SRP19: variants seen among roughly 807,000 people sequenced by gnomAD.
SRP19 encodes signal recognition particle 19.
In SRP19, 11 loss-of-function variants were observed where a neutral mutation model predicts 22.4. The ratio of observed to expected loss-of-function variants is 0.49; its 90% confidence interval spans 0.31 to 0.81. The LOEUF (loss-of-function observed/expected upper bound fraction) is 0.81. SRP19 is among the 40% of genes least tolerant of loss of function. The pLI is 0.05. For synonymous variants in SRP19, 61 were observed against 57.6 expected (o/e 1.06, Z -0.27); for missense variants, 168 against 175.9 (o/e 0.96, Z 0.25).
At chr5:112,893,147 C>T (rs576078407), downstream of SRP19, 503 of 739,646 alleles carry the variant, frequency 6.8e-4, 4 homozygotes, top group South Asian at 5.0e-3. Context: ...TAGTGGCTCA[C>T]ACCTGTAATC....
chr5:112,881,096 T>G (rs1768061042), intron 4 of SRP19, among the ~76,000 whole-genome samples: 1 of 116,058 alleles, frequency 8.6e-6, no homozygotes, highest in South Asian at 2.9e-4. Flanking sequence ...GCTACTGCAC[T>G]CCAGCCTGGG....
chr5:112,864,123 T>G (rs940356487), intron 2 of SRP19, among the ~76,000 whole-genome samples: 3 of 152,224 alleles, frequency 2.0e-5, no homozygotes, highest in Non-Finnish European at 2.9e-5. Flanking sequence ...TCTAAAGTGT[T>G]TGTATGTGTA....
At chr5:112,865,649 A>C (rs1767576335) in intron 4 of SRP19, among the ~76,000 whole-genome samples, 1 of 151,206 alleles carries the variant, frequency 6.6e-6, no homozygotes, top group African/African-American at 2.4e-5. Context: ...GCTGGAGTAC[A>C]GTGGCGCGAT....
intron 4 of SRP19, among the ~76,000 whole-genome samples, chr5:112,865,843 C>T (rs1332151083): frequency 6.6e-6 from 1 of 152,180 alleles, no homozygotes; most frequent in African/African-American, 2.4e-5. Flanking sequence ...CCACCCACCT[C>T]GGCCTCCCAA....
At chr5:112,885,844 A>C (rs939614447) in intron 4 of SRP19, 19 of 198,470 alleles carry the variant, frequency 9.6e-5, no homozygotes, top group Non-Finnish European at 8.6e-5. Context: ...TCAGCCTTTT[A>C]GAGAATGATC....
At position 112,864,369 on chromosome 5, in the gene SRP19, A is replaced by T. The variant is rs6865102; in HGVS notation, c.118-88A>T. 1.2e-3 allele frequency: 1,397 copies of T among 1,141,626 alleles called. 14 individuals carry two copies. The African/African-American group carries it at 0.02, about 16-fold the overall frequency. The allele number at this position is 1,141,626 out of a possible 1,614,324, so 70.7% of individuals were successfully genotyped here. ...AACCTAGGGTTTTGGTACTTGTTTG[A>T]TTATAGTATTTGAAATTATTTACCC... is the stretch of plus-strand genomic sequence containing the variant. On this transcript the variant is annotated intron_variant, in intron 2 of 4. Coordinates refer to ENST00000505459, the MANE Select transcript of SRP19 (RefSeq NM_003135.3).
intron 4 of SRP19, chr5:112,885,087 G>A (rs76290842): frequency 0.02 from 3,199 of 157,266 alleles, 106 homozygotes; most frequent in African/African-American, 0.073. Context: ...CAGGCTGGCC[G>A]TCAGGGCCTC....
Position 112,878,862 on chromosome 5 carries a change from A to G in SRP19, c.302-12741A>G, listed in dbSNP as rs112236815. 1,602 of 1,613,878 alleles carry G rather than the reference A, an allele frequency of 9.9e-4. 16 individuals are homozygous for G. The African/African-American group carries it at 0.019, about 19-fold the overall frequency. ...TGTTTGTTTGTTAGGAGGGAAAGAA[A>G]AATATATCAAAGCTCTTTCTTTGGA... On this transcript the variant is annotated intron_variant, in intron 4 of 4. Transcript: ENST00000391338.
intron 4 of SRP19, chr5:112,878,488 ATAATTT>A: frequency 2.7e-6 from 1 of 376,528 alleles, no homozygotes; most frequent in Non-Finnish European, 4.7e-6. Context: ...TGTGGGGTAT[ATAATTT>A]TATTTTAAGT....
Position 112,868,432 on chromosome 5 carries a change from C to T in SRP19, c.*895C>T, listed in dbSNP as rs1481878128. 1 of 973,588 alleles carries T rather than the reference C, an allele frequency of 1.0e-6. No homozygotes were observed. Among genetic ancestry groups the T allele is most frequent in the Non-Finnish European group, 1.2e-6 (1 of 817,214 alleles). 60.3% of individuals were successfully genotyped at this position (973,588 alleles called of 1,614,324 possible). ...TGTTTGTTTTTGAGATGGAGTTTCA[C>T]TCTTGTTGCCTAGGCTGGAGTGCAA... On this transcript the variant is annotated 3_prime_UTR_variant, in exon 5 of 5. Coordinates refer to ENST00000505459, the MANE Select transcript of SRP19 (RefSeq NM_003135.3).
intron 4 of SRP19, among the ~76,000 whole-genome samples, chr5:112,875,866 G>T (rs534581520): frequency 6.6e-6 from 1 of 151,868 alleles, no homozygotes; most frequent in East Asian, 1.9e-4. Flanking sequence ...CTAACATGGT[G>T]AAACCCCGTC....
downstream of SRP19, chr5:112,897,353 A>T (rs1393129215): frequency 2.9e-5 from 1 of 35,076 alleles, no homozygotes; most frequent in Non-Finnish European, 5.4e-5. Context: ...ACATCCCATC[A>T]CACACACACA....
At chr5:112,897,391 ACAC>A (rs1330363914), downstream of SRP19, 5 of 151,834 alleles carry the variant, frequency 3.3e-5, no homozygotes, top group African/African-American at 1.2e-4. Context: ...ACACACACAC[ACAC>A]AAATGTAAAC....
downstream of SRP19, among the ~76,000 whole-genome samples, chr5:112,870,681 T>G (rs1472669466): frequency 1.3e-5 from 2 of 152,162 alleles, no homozygotes; most frequent in African/African-American, 4.8e-5. Context: ...CCATGGGGGC[T>G]GTGCCCTCAG....
intron 4 of SRP19, among the ~76,000 whole-genome samples, chr5:112,874,844 C>T (rs1319796522): frequency 1.3e-5 from 2 of 150,496 alleles, no homozygotes; most frequent in Admixed American, 6.6e-5. Flanking sequence ...GGCGTGATCT[C>T]GGCTCACTGC....
At chr5:112,890,888 A>T (rs1041406946) in intron 4 of SRP19, among the ~76,000 whole-genome samples, 1 of 150,562 alleles carries the variant, frequency 6.6e-6, no homozygotes, top group East Asian at 2.0e-4. Flanking sequence ...TTAATTGAAA[A>T]TTTTAAAATT....
chr5:112,874,295 A>G (rs1235022104), downstream of SRP19, among the ~76,000 whole-genome samples: 1 of 152,210 alleles, frequency 6.6e-6, no homozygotes, highest in Admixed American at 6.5e-5. Flanking sequence ...CCTGGCTAAC[A>G]AAGGAAGAGT....
At chr5:112,891,925 G>GA in exon 5 of SRP19, 1 of 1,287,390 alleles carries the variant, frequency 7.8e-7, no homozygotes. Context: ...AATAAAGAAG[G>GA]AAAAGGAAGA....
At chr5:112,896,078 GA>G (rs1330032962), downstream of SRP19, 1 of 152,664 alleles carries the variant, frequency 6.6e-6, no homozygotes, top group East Asian at 1.9e-4. Context: ...TGCAGTTACG[GA>G]ACTGAGAGTT....
Sources: allele counts gnomAD v4.1 joint callset (sites outside exome capture counted in the v4.1 genomes callset), GRCh38; gene constraint gnomAD v4.1.1; transcripts MANE v1.5; gene names NCBI Gene and HGNC (gene_info 2026-07-23, HGNC 2026-07-21).